Variants in PSMD14 observed in about 807,000 individuals in gnomAD.
PSMD14 encodes proteasome 26S subunit, non-ATPase 14, also known as ubiquitin C-terminal hydrolase PSMD14.
Under a neutral mutation model 41.2 loss-of-function variants are expected in PSMD14, and 7 were observed. The observed-to-expected ratio is 0.17, with a 90% CI of 0.10 to 0.32. The LOEUF (loss-of-function observed/expected upper bound fraction) is 0.32, where lower values mean the gene tolerates loss of function less well. Ranked by LOEUF, PSMD14 falls within the 10% of genes least tolerant of loss-of-function variation. The pLI is 1.00. For missense variants in PSMD14, 139 were observed against 375.6 expected (o/e 0.37, Z 5.21); for synonymous variants, 114 against 122.3 (o/e 0.93, Z 0.45).
intron 3 of PSMD14, chr2:161,340,832 C>T: frequency 6.2e-7 from 1 of 1,613,972 alleles, no homozygotes; most frequent in South Asian, 1.1e-5. Flanking sequence ...CAGTTCTCTG[C>T]TCCTCCTCCA....
chr2:161,408,489 G>GA (rs530533267), intron 10 of PSMD14: 66 of 272,602 alleles, frequency 2.4e-4, no homozygotes, highest in African/African-American at 1.1e-3. Context: ...CAACAGAACA[G>GA]AATTAGTACC....
rs1682611238 is a variant in PSMD14, at chr2:161,321,718, G to A, written c.48+2845G>A. 1.3e-5 allele frequency among the ~76,000 whole-genome samples: 2 copies of A among 152,188 alleles called. 1 individual carries two copies. Among genetic ancestry groups the A allele is most frequent in the South Asian group, 4.1e-4 (2 of 4,826 alleles). The stretch of plus-strand genomic sequence containing the variant: ...AACTGACAAAACTCAAGAAAGTGCT[G>A]TGCTTATTATTACAATTTTGTTATC... On this transcript the variant is annotated intron_variant, in intron 3 of 11. Coordinates refer to ENST00000409682, the MANE Select transcript of PSMD14 (RefSeq NM_005805.6).
intron 3 of PSMD14, among the ~76,000 whole-genome samples, chr2:161,344,379 G>C (rs537745716): frequency 3.3e-5 from 5 of 152,304 alleles, no homozygotes; most frequent in Middle Eastern, 3.4e-3. Context: ...CTGGCTTCTT[G>C]TTGTATCCTC....
intron 7 of PSMD14, among the ~76,000 whole-genome samples, chr2:161,374,267 C>CT (rs926132326): frequency 6.6e-6 from 1 of 151,898 alleles, no homozygotes; most frequent in South Asian, 2.1e-4. Context: ...TACATTTCCT[C>CT]TAAGTTTTCC....
intron 10 of PSMD14, among the ~76,000 whole-genome samples, chr2:161,403,285 G>T (rs977387777): frequency 6.6e-6 from 1 of 152,134 alleles, no homozygotes; most frequent in Non-Finnish European, 1.5e-5. Flanking sequence ...AAAGAAGACA[G>T]ATGCAAAAGG....
rs761969060 is a variant in PSMD14, at chr2:161,391,227, C to T, written c.645+49C>T. The T allele has an allele frequency of 9.0e-6, 13 of 1,449,434 alleles. No individual in the cohort carries two copies. The South Asian group carries it at 1.7e-4, about 19-fold the overall frequency. 89.8% of individuals were successfully genotyped at this position (1,449,434 alleles called of 1,614,324 possible). The stretch of plus-strand genomic sequence containing the variant: ...AGGAGGAAAAAAATCTTTTTCAAAC[C>T]ATTTAAACTATTACCTGGTATGTGA... On this transcript the variant is annotated intron_variant, in intron 9 of 11. Coordinates refer to ENST00000409682, the MANE Select transcript of PSMD14 (RefSeq NM_005805.6).
intron 9 of PSMD14, among the ~76,000 whole-genome samples, chr2:161,391,431 T>C (rs1430174862): frequency 6.6e-6 from 1 of 152,206 alleles, no homozygotes; most frequent in African/African-American, 2.4e-5. Flanking sequence ...ACTTTGGTTT[T>C]ATGATAAGTC....
chr2:161,384,226 A>G (rs1683605746), intron 7 of PSMD14: 1 of 151,718 alleles, frequency 6.6e-6, no homozygotes, highest in South Asian at 2.1e-4. Flanking sequence ...ATGAGTAGAC[A>G]GAAGCTTAGA....
In PSMD14 at chr2:161,375,746, T is replaced by C. The variant is rs147304927; in HGVS notation, c.462+4424T>C. 8.6e-5 allele frequency among the ~76,000 whole-genome samples: 13 copies of C among 152,016 alleles called. No individual in the cohort carries two copies. In the East Asian group the frequency reaches 1.6e-3, roughly 18 times the overall value. On this transcript the variant is annotated intron_variant, in intron 7 of 11. Coordinates refer to ENST00000409682, the MANE Select transcript of PSMD14 (RefSeq NM_005805.6). ...CAAATACAGGAAGAAAGTTAGGGAA[T>C]GTGGCCAGGTACCATGTCTTCACAT...
At position 161,389,912 on chromosome 2, in the gene PSMD14, T is replaced by TTTTTTTTTTTTTTTTTTTTA. The variant is rs1299369817; in HGVS notation, c.571-1192_571-1191insTTTTTTTTTTTTTTTTTTTA. Among the ~76,000 whole-genome samples the TTTTTTTTTTTTTTTTTTTTA allele has an allele frequency of 3.8e-5, 5 of 130,286 alleles. 1 individual carries two copies. The highest frequency in any genetic ancestry group is 1.6e-4 in the African/African-American group (5 of 30,572). The allele number at this position is 130,286 out of a possible 152,430, so 85.5% of individuals were successfully genotyped here. The stretch of plus-strand genomic sequence containing the variant: ...TTGTTTTTTTTTTTTTTTTTTTTTT[T>TTTTTTTTTTTTTTTTTTTTA]AGAGATGGGGTATTGCTATGTTGTC... On this transcript the variant is annotated intron_variant, in intron 8 of 11. Coordinates refer to ENST00000409682, the MANE Select transcript of PSMD14 (RefSeq NM_005805.6).
chr2:161,397,300 G>A (rs1258256693), intron 10 of PSMD14, among the ~76,000 whole-genome samples: 1 of 152,172 alleles, frequency 6.6e-6, no homozygotes, highest in Non-Finnish European at 1.5e-5. Flanking sequence ...GATTACCATG[G>A]TAGCAGTGGG....
intron 7 of PSMD14, among the ~76,000 whole-genome samples, chr2:161,380,993 G>T (rs990886815): frequency 2.0e-5 from 3 of 151,936 alleles, no homozygotes; most frequent in African/African-American, 7.2e-5. Flanking sequence ...TATGGGTTAA[G>T]TGTTGCCTTT....
In PSMD14 at chr2:161,372,317, T is replaced by C. The variant is rs1683447222; in HGVS notation, c.462+995T>C. On this transcript the variant is annotated intron_variant, in intron 7 of 11. Coordinates refer to ENST00000409682, the MANE Select transcript of PSMD14 (RefSeq NM_005805.6). ...GTACTTAGAAATAAATATTAGCTTG[T>C]TATCTATCAGACCTGGAGTTTGATA... Among the ~76,000 whole-genome samples, 2 of 152,110 alleles carry C rather than the reference T, an allele frequency of 1.3e-5. 1 individual carries two copies. Among genetic ancestry groups the C allele is most frequent in the Admixed American group, 1.3e-4 (2 of 15,260 alleles).
At position 161,367,362 on chromosome 2, in the gene PSMD14, T is replaced by C. The variant is rs145436627; in HGVS notation, c.49-116T>C. 5.3e-3 allele frequency: 4,042 copies of C among 762,192 alleles called. 56 individuals are homozygous for C. Among genetic ancestry groups the C allele is most frequent in the Non-Finnish European group, 4.0e-3 (1,871 of 470,812 alleles). The allele number at this position is 762,192 out of a possible 1,614,324, so 47.2% of individuals were successfully genotyped here. On this transcript the variant is annotated intron_variant, in intron 3 of 11. Coordinates refer to ENST00000409682, the MANE Select transcript of PSMD14 (RefSeq NM_005805.6). ...ATGTCATAGCCAAATAAAAGGATAC[T>C]TGACATGTTTTGCAAAACTATTTTA...
rs536771888 is a variant in PSMD14 at position 161,360,642 on chromosome 2, A to G, written c.49-6836A>G. 2.7e-4 allele frequency among the ~76,000 whole-genome samples: 41 copies of G among 152,242 alleles called. No individual in the cohort carries two copies. The South Asian group carries it at 5.0e-3, about 18-fold the overall frequency. On this transcript the variant is annotated intron_variant, in intron 3 of 11. Coordinates refer to ENST00000409682, the MANE Select transcript of PSMD14 (RefSeq NM_005805.6). The stretch of plus-strand genomic sequence containing the variant: ...AGTGCTGGGATTACAGGCATGAGCT[A>G]CTGTGCCCAGCCCTATTCTGGGTAG...
chr2:161,403,102 T>C (rs1156539126), intron 10 of PSMD14, among the ~76,000 whole-genome samples: 1 of 152,228 alleles, frequency 6.6e-6, no homozygotes, highest in Non-Finnish European at 1.5e-5. Flanking sequence ...TGAATGTTCA[T>C]AGTAGCACTG....
chr2:161,385,420 C>T (rs1022315501), intron 7 of PSMD14, 44 bp from the exon 8 acceptor site: 5 of 1,225,288 alleles, frequency 4.1e-6, no homozygotes, highest in Non-Finnish European at 5.9e-6. Context: ...GGCATTATCA[C>T]TTGCTTTTTA....
chr2:161,310,260 G>T (rs1490050071), intron 1 of PSMD14, among the ~76,000 whole-genome samples: 1 of 152,214 alleles, frequency 6.6e-6, no homozygotes, highest in Non-Finnish European at 1.5e-5. Flanking sequence ...TGAACCATAT[G>T]TATGAAAGTC....
intron 3 of PSMD14, among the ~76,000 whole-genome samples, chr2:161,366,883 T>G (rs1335055584): frequency 6.6e-6 from 1 of 152,146 alleles, no homozygotes; most frequent in Non-Finnish European, 1.5e-5. Context: ...TTTGGAAGTA[T>G]TTTCACGTCA....
Sources: allele counts gnomAD v4.1 joint callset (sites outside exome capture counted in the v4.1 genomes callset), GRCh38; gene constraint gnomAD v4.1.1; transcripts MANE v1.5; gene names NCBI Gene and HGNC (gene_info 2026-07-23, HGNC 2026-07-21).